Variants in COPB1 observed in about 807,000 individuals in gnomAD.
The protein encoded by COPB1 is coatomer subunit beta.
In COPB1, 21 loss-of-function variants were observed where a neutral mutation model predicts 108.7. The ratio of observed to expected loss-of-function variants is 0.19; its 90% CI spans 0.14 to 0.28. The LOEUF (loss-of-function observed/expected upper bound fraction) is 0.28, where lower values mean the gene tolerates loss of function less well. COPB1 is among the 10% of genes least tolerant of loss of function. The probability of loss-of-function intolerance (pLI) is 1.00; values close to 1 mark genes in which losing one functional copy is unlikely to be tolerated. For synonymous variants in COPB1, 378 were observed against 386.8 expected, an observed-to-expected ratio of 0.98 and a Z score of 0.27; for missense variants, 919 against 1,141.3, an observed-to-expected ratio of 0.81 and a Z score of 2.81.
intron 14 of COPB1, among the ~76,000 whole-genome samples, chr11:14,470,944 A>ACACACACACTCTCTCTCTCTCTCT (rs1285522756): frequency 2.2e-5 from 2 of 90,156 alleles, no homozygotes; most frequent in African/African-American, 1.0e-4. Context: ...ACACACACAC[A>ACACACACACTCTCTCTCTCTCTCT]CTCTCTCTCT....
chr11:14,470,944 A>ACACCCACACACT (rs1285522756), intron 14 of COPB1, among the ~76,000 whole-genome samples: 7 of 90,156 alleles, frequency 7.8e-5, no homozygotes, highest in African/African-American at 1.6e-4. Flanking sequence ...ACACACACAC[A>ACACCCACACACT]CTCTCTCTCT....
rs747207890 is a variant in COPB1 at position 14,468,650 on chromosome 11, A to G, written c.2145+31T>C. On this transcript the variant is annotated intron_variant, in intron 16 of 21. Transcript: ENST00000439561. ...CAACTTCCTTAAGGAGTCGATTTAA[A>G]TAATTTAGAGTCTATCAGACATTTT... 5.0e-6 allele frequency: 8 copies of G among 1,596,604 alleles called. No homozygotes were observed. In the Middle Eastern group the frequency reaches 1.0e-3, roughly 200 times the overall value.
At chr11:14,481,529 C>T (rs555432229) in intron 8 of COPB1, among the ~76,000 whole-genome samples, 15 of 152,258 alleles carry the variant, frequency 9.9e-5, no homozygotes, top group East Asian at 3.9e-4. Flanking sequence ...CCACCAAATA[C>T]GATACATGGT....
At chr11:14,463,188 A>T (rs1850196999) in intron 18 of COPB1, among the ~76,000 whole-genome samples, 1 of 152,184 alleles carries the variant, frequency 6.6e-6, no homozygotes, top group African/African-American at 2.4e-5. Flanking sequence ...CCTTTGACCA[A>T]GCTTTCAGTG....
chr11:14,489,698 G>C (rs1245309607), intron 5 of COPB1, among the ~76,000 whole-genome samples: 1 of 152,160 alleles, frequency 6.6e-6, no homozygotes, highest in Admixed American at 6.5e-5. Flanking sequence ...AAGTAGAATG[G>C]TGGCTGCCAG....
intron 16 of COPB1, 80 bp from the exon 17 acceptor site, chr11:14,466,506 G>C: frequency 7.1e-7 from 1 of 1,412,732 alleles, no homozygotes; most frequent in Non-Finnish European, 9.6e-7. Context: ...GATTAAGTCT[G>C]GTAGGTTATT....
chr11:14,499,020 T>TAA (rs3214792), intron 1 of COPB1, 35 bp from the exon 2 acceptor site: 21,369 of 791,696 alleles, frequency 0.027, 62 homozygotes, highest in East Asian at 0.059. Flanking sequence ...CATTACAAAT[T>TAA]AAAAAAAAAA....
chr11:14,466,800 A>G (rs1364070105), intron 16 of COPB1, among the ~76,000 whole-genome samples: 1 of 152,214 alleles, frequency 6.6e-6, no homozygotes, highest in Admixed American at 6.5e-5. Context: ...TAAATCCCTC[A>G]GTAAGTATCT....
chr11:14,492,435 C>A (rs1434701832), intron 4 of COPB1, among the ~76,000 whole-genome samples: 1 of 151,998 alleles, frequency 6.6e-6, no homozygotes, highest in Admixed American at 6.6e-5. Context: ...CCTCTGCCTC[C>A]CAGGTTCGAG....
At position 14,480,983 on chromosome 11, in the gene COPB1, CT is replaced by C. The variant is rs768184887; in HGVS notation, c.1065+6del. The C allele has an allele frequency of 6.2e-7, 1 of 1,613,486 alleles. No individual in the cohort carries two copies. Among genetic ancestry groups the C allele is most frequent in the Non-Finnish European group, 8.5e-7 (1 of 1,179,612 alleles). ...AGCTACAAAGTGCTGTCAGAGTTTC[CT>C]TTTACCTCTTCAACATTTCTAGAAG... On this transcript the variant is annotated splice_donor_region_variant and intron_variant, in intron 9 of 21. Coordinates refer to ENST00000439561, the MANE Select transcript of COPB1 (RefSeq NM_001144061.2).
intron 7 of COPB1, among the ~76,000 whole-genome samples, chr11:14,485,748 T>C (rs1009244282): frequency 6.6e-6 from 1 of 152,066 alleles, no homozygotes. Context: ...CTCGGGAAGC[T>C]GAGGCAGGAG....
intron 5 of COPB1, among the ~76,000 whole-genome samples, chr11:14,488,904 C>T (rs927888033): frequency 1.3e-5 from 2 of 152,090 alleles, no homozygotes; most frequent in Admixed American, 1.3e-4. Flanking sequence ...TATAGTTATT[C>T]CTATTACTGA....
chr11:14,459,147 A>C (rs1488539444), intron 20 of COPB1, among the ~76,000 whole-genome samples: 1 of 152,210 alleles, frequency 6.6e-6, no homozygotes, highest in African/African-American at 2.4e-5. Flanking sequence ...TCAAAACTCA[A>C]CTATACATGT....
intron 21 of COPB1, 146 bp downstream of exon 21, chr11:14,458,386 G>A: frequency 1.3e-6 from 1 of 769,800 alleles, no homozygotes; most frequent in Non-Finnish European, 1.9e-6. Flanking sequence ...AATGAGAAAA[G>A]TTATACTTCT....
At chr11:14,490,446 T>C in intron 5 of COPB1, 119 bp downstream of exon 5, 3 of 538,812 alleles carry the variant, frequency 5.6e-6, no homozygotes, top group Non-Finnish European at 9.4e-6. Flanking sequence ...AATTTCAAAA[T>C]ACACAAACCA....
intron 16 of COPB1, among the ~76,000 whole-genome samples, chr11:14,467,576 A>G (rs1393793539): frequency 6.6e-6 from 1 of 152,236 alleles, no homozygotes; most frequent in East Asian, 1.9e-4. Flanking sequence ...ACTTGAACAG[A>G]TATTTGTACA....
At chr11:14,470,899 T>TACACACACACACAC (rs56957263) in intron 14 of COPB1, among the ~76,000 whole-genome samples, 20 of 134,850 alleles carry the variant, frequency 1.5e-4, no homozygotes, top group East Asian at 6.4e-4. Context: ...GTGGAAGAAA[T>TACACACACACACAC]ACACACACAC....
At chr11:14,479,801 A>AC in intron 10 of COPB1, 87 bp from the exon 11 acceptor site, 2 of 1,299,702 alleles carry the variant, frequency 1.5e-6, no homozygotes, top group South Asian at 1.5e-5. Context: ...AAAAGAATGT[A>AC]ATTCTTTTTT....
intron 4 of COPB1, among the ~76,000 whole-genome samples, chr11:14,493,385 T>C (rs1040357379): frequency 1.3e-5 from 2 of 152,210 alleles, no homozygotes; most frequent in Admixed American, 1.3e-4. Flanking sequence ...ACAAGCACTG[T>C]CATAAACTGT....
Sources: allele counts gnomAD v4.1 joint callset (sites outside exome capture counted in the v4.1 genomes callset), GRCh38; gene constraint gnomAD v4.1.1; transcripts MANE v1.5; gene names NCBI Gene and HGNC (gene_info 2026-07-23, HGNC 2026-07-21).